Variants in FNBP1 observed in about 807,000 individuals in gnomAD.
FNBP1 encodes the protein formin-binding protein 1.
In FNBP1, 26 loss-of-function variants were observed where a neutral mutation model predicts 90.6. The ratio of observed to expected loss-of-function variants is 0.29; its 90% CI spans 0.21 to 0.40. FNBP1 has a LOEUF of 0.40. Among genes scored for constraint, FNBP1 ranks in the 10% least tolerant of loss-of-function variants. The pLI, the probability that FNBP1 is intolerant of heterozygous loss-of-function variation, is 1.00. For synonymous variants in FNBP1, 260 were observed against 265.2 expected, an observed-to-expected ratio of 0.98 and a Z score of 0.19; for missense variants, 635 against 768.0, an observed-to-expected ratio of 0.83 and a Z score of 2.05.
chr9:129,951,925 C>T (rs1041903136), intron 6 of FNBP1, among the ~76,000 whole-genome samples: 5 of 152,014 alleles, frequency 3.3e-5, no homozygotes, highest in African/African-American at 1.2e-4. Flanking sequence ...GGTGTGGTGG[C>T]TCACACCTGT....
chr9:129,917,942 AC>A (rs2040509583), intron 10 of FNBP1, among the ~76,000 whole-genome samples: 1 of 152,220 alleles, frequency 6.6e-6, no homozygotes, highest in Non-Finnish European at 1.5e-5. Flanking sequence ...TATCTTTCCT[AC>A]AAGGCACACT....
At chr9:129,914,061 G>C (rs2039827094) in intron 11 of FNBP1, among the ~76,000 whole-genome samples, 1 of 151,712 alleles carries the variant, frequency 6.6e-6, no homozygotes, top group Non-Finnish European at 1.5e-5. Flanking sequence ...TCACCATGCT[G>C]CTCAGGCTGG....
intron 1 of FNBP1, among the ~76,000 whole-genome samples, chr9:130,026,965 C>CA (rs765168982): frequency 0.042 from 3,215 of 75,832 alleles, 100 homozygotes; most frequent in African/African-American, 0.13. Context: ...GACCCTGTCT[C>CA]AAAAAAAAAA....
At position 129,890,408 on chromosome 9, in the gene FNBP1, A is replaced by AGG. The variant is rs1564239764; in HGVS notation, c.*130_*131insCC. The stretch of plus-strand genomic sequence containing the variant: ...CGCAGGGAGCATGCTGGAGAGAGAG[A>AGG]GAGACCGCCCCGCAGGGATGGGGCT... On this transcript the variant is annotated 3_prime_UTR_variant, in exon 17 of 17. Coordinates refer to ENST00000446176, the MANE Select transcript of FNBP1 (RefSeq NM_015033.3). The surrounding 1 kb of genome is among the most constrained non-coding windows in gnomAD (Gnocchi z 5.8). The AGG allele has an allele frequency of 2.6e-6, 2 of 761,808 alleles. No homozygotes were observed. Among genetic ancestry groups the AGG allele is most frequent in the Non-Finnish European group, 4.5e-6 (2 of 442,108 alleles). The allele number at this position is 761,808 out of a possible 1,614,324, so 47.2% of individuals were successfully genotyped here.
intron 4 of FNBP1, among the ~76,000 whole-genome samples, chr9:129,977,658 G>T (rs2050547079): frequency 6.6e-6 from 1 of 151,748 alleles, no homozygotes; most frequent in Admixed American, 6.6e-5. Context: ...CGCCCAGCTA[G>T]TTTTTATATT....
At chr9:130,016,353 A>G (rs1428415406) in intron 1 of FNBP1, among the ~76,000 whole-genome samples, 1 of 152,168 alleles carries the variant, frequency 6.6e-6, no homozygotes, top group East Asian at 1.9e-4. Context: ...TTGTTCAGGT[A>G]GTTCTAACAT....
intron 4 of FNBP1, 85 bp downstream of exon 4, chr9:129,978,380 G>T: frequency 1.7e-6 from 2 of 1,174,646 alleles, no homozygotes; most frequent in Non-Finnish European, 2.4e-6. Context: ...GTCTTATATG[G>T]TTTTATTTAA....
intron 1 of FNBP1, among the ~76,000 whole-genome samples, chr9:130,040,394 G>A (rs117206810): frequency 0.021 from 3,234 of 152,200 alleles, 47 homozygotes; most frequent in Middle Eastern, 0.034. Context: ...TGAGGCAGGC[G>A]GATTACCTGA....
chr9:129,932,969 A>T (rs1018817896), intron 6 of FNBP1, among the ~76,000 whole-genome samples: 2 of 151,638 alleles, frequency 1.3e-5, no homozygotes, highest in Non-Finnish European at 2.9e-5. Flanking sequence ...ATGAATGTTT[A>T]AAAAAAAATT....
At chr9:129,962,880 G>A (rs1440010193) in intron 4 of FNBP1, among the ~76,000 whole-genome samples, 1 of 152,142 alleles carries the variant, frequency 6.6e-6, no homozygotes, top group Admixed American at 6.6e-5. Flanking sequence ...TGAAAGCCAC[G>A]CTTTCAGGGA....
At chr9:129,981,914 A>G (rs1712189797) in intron 2 of FNBP1, among the ~76,000 whole-genome samples, 1 of 152,222 alleles carries the variant, frequency 6.6e-6, no homozygotes, top group Admixed American at 6.5e-5. Context: ...GAAAGAATGT[A>G]GTTAATTCAA....
At chr9:129,965,817 G>GGA (rs2048540900) in intron 4 of FNBP1, among the ~76,000 whole-genome samples, 2 of 99,444 alleles carry the variant, frequency 2.0e-5, no homozygotes, top group Admixed American at 1.1e-4. Context: ...GGGAGGGAGG[G>GGA]AGGAAGGAAG....
At chr9:129,998,401 C>A (rs2054331471) in intron 1 of FNBP1, among the ~76,000 whole-genome samples, 1 of 151,610 alleles carries the variant, frequency 6.6e-6, no homozygotes, top group Non-Finnish European at 1.5e-5. Context: ...ATAATCACAG[C>A]TACTTGGGAG....
intron 4 of FNBP1, among the ~76,000 whole-genome samples, chr9:129,968,068 T>C (rs539280278): frequency 6.6e-6 from 1 of 151,932 alleles, no homozygotes; most frequent in African/African-American, 2.4e-5. Context: ...CCACTTTTAA[T>C]GAACAGAATG....
In FNBP1 at chr9:129,974,323, C is replaced by T. The variant is rs200031004; in HGVS notation, c.345+4142G>A. ...CCAGCTCACTGCACCTTCCTGTGCT[C>T]CAGGGTCCATATCTTGGGTAAAATC... On this transcript the variant is annotated intron_variant, in intron 4 of 16. Coordinates refer to ENST00000446176, the MANE Select transcript of FNBP1 (RefSeq NM_015033.3). Among the ~76,000 whole-genome samples, 210 of 152,244 alleles carry T rather than the reference C, an allele frequency of 1.4e-3. 1 individual carries two copies. Among genetic ancestry groups the T allele is most frequent in the East Asian group, 9.3e-3 (48 of 5,174 alleles).
At chr9:129,965,453 T>C (rs2048410841) in intron 4 of FNBP1, among the ~76,000 whole-genome samples, 1 of 152,104 alleles carries the variant, frequency 6.6e-6, no homozygotes. Context: ...CCTCCCTCCT[T>C]CTCTGGCTAC....
At chr9:130,049,194 G>C in the FNBP1 span, among the ~76,000 whole-genome samples, 1 of 152,140 alleles carries the variant, frequency 6.6e-6, no homozygotes, top group Non-Finnish European at 1.5e-5. Flanking sequence ...TTCAAGACCA[G>C]TTTGAGCAAC....
chr9:129,962,734 T>C (rs1226545347), intron 4 of FNBP1, among the ~76,000 whole-genome samples: 2 of 152,184 alleles, frequency 1.3e-5, no homozygotes, highest in African/African-American at 2.4e-5. Context: ...GTTTTTCAGC[T>C]CTTGTAATGG....
chr9:129,958,453 T>C, intron 5 of FNBP1, 38 bp downstream of exon 5: 2 of 1,467,676 alleles, frequency 1.4e-6, no homozygotes, highest in South Asian at 1.3e-5. Context: ...AAAAAAAATC[T>C]ATAAAGCCGT....
Sources: allele counts gnomAD v4.1 joint callset (sites outside exome capture counted in the v4.1 genomes callset), GRCh38; gene constraint gnomAD v4.1.1; non-coding constraint Gnocchi (gnomAD v3.1); transcripts MANE v1.5; gene names NCBI Gene and HGNC (gene_info 2026-07-23, HGNC 2026-07-21).